ADGRB3: variants seen among roughly 807,000 people sequenced by gnomAD.
ADGRB3 encodes brain-specific angiogenesis inhibitor 3.
ADGRB3 carries 37 observed loss-of-function variants against 193.4 expected under a neutral mutation model. The observed-to-expected ratio is 0.19, with a 90% CI of 0.15 to 0.25. The LOEUF is 0.25. Ranked by LOEUF, ADGRB3 falls within the 10% of genes least tolerant of loss-of-function variation. ADGRB3 has a pLI of 1.00. For missense variants in ADGRB3, 1,637 were observed against 1,852.9 expected (o/e 0.88, Z 2.14); for synonymous variants, 690 against 644.2 (o/e 1.07, Z -1.08).
At chr6:69,190,863 T>A (rs1765171417) in intron 17 of ADGRB3, among the ~76,000 whole-genome samples, 1 of 152,160 alleles carries the variant, frequency 6.6e-6, no homozygotes, top group Non-Finnish European at 1.5e-5. Flanking sequence ...ATTGCCTACA[T>A]CAGTCAGTAC....
At chr6:69,039,923 A>G (rs963272744) in intron 13 of ADGRB3, among the ~76,000 whole-genome samples, 2 of 151,644 alleles carry the variant, frequency 1.3e-5, no homozygotes, top group Admixed American at 1.3e-4. Flanking sequence ...TGTATTTTTA[A>G]TAAAGATGGG....
intron 3 of ADGRB3, among the ~76,000 whole-genome samples, chr6:68,640,795 G>A (rs1369404299): frequency 1.3e-5 from 2 of 152,216 alleles, no homozygotes; most frequent in Non-Finnish European, 2.9e-5. Context: ...CAATTTAAGG[G>A]ATGGGAATTA....
At chr6:68,666,808 A>T (rs1768813161) in intron 3 of ADGRB3, among the ~76,000 whole-genome samples, 1 of 151,812 alleles carries the variant, frequency 6.6e-6, no homozygotes, top group Admixed American at 6.6e-5. Context: ...TAAAAAAAGA[A>T]ATGATAAATG....
intron 10 of ADGRB3, among the ~76,000 whole-genome samples, chr6:68,980,123 A>G (rs1012383342): frequency 1.3e-5 from 2 of 151,608 alleles, no homozygotes; most frequent in Admixed American, 1.3e-4. Context: ...GGAAATATGA[A>G]GAGTTAGGTA....
intron 7 of ADGRB3, 92 bp from the exon 8 acceptor site, chr6:68,956,553 A>G (rs2150256766): frequency 6.7e-7 from 1 of 1,483,058 alleles, no homozygotes; most frequent in Non-Finnish European, 9.3e-7. Context: ...AGATTAACAA[A>G]AATGGAAGGG....
chr6:69,162,066 G>A (rs540176415), intron 17 of ADGRB3, among the ~76,000 whole-genome samples: 2 of 152,170 alleles, frequency 1.3e-5, no homozygotes, highest in South Asian at 4.1e-4. Context: ...TGAATACCAG[G>A]AATCAGGAAC....
chr6:68,876,092 AAT>A (rs1192153756), intron 3 of ADGRB3, among the ~76,000 whole-genome samples: 1 of 152,152 alleles, frequency 6.6e-6, no homozygotes, highest in Non-Finnish European at 1.5e-5. Context: ...AAATAATTTA[AAT>A]ACTTATTCAA....
chr6:69,105,451 T>G (rs1467607802), intron 17 of ADGRB3, among the ~76,000 whole-genome samples: 1 of 152,152 alleles, frequency 6.6e-6, no homozygotes, highest in African/African-American at 2.4e-5. Context: ...ATTTCCCTAT[T>G]TCCTGCCCTC....
At chr6:68,798,647 C>G (rs181846846) in intron 3 of ADGRB3, among the ~76,000 whole-genome samples, 7 of 152,078 alleles carry the variant, frequency 4.6e-5, no homozygotes, top group African/African-American at 1.7e-4. Flanking sequence ...CAAAACTGCA[C>G]GTTCTGCACG....
chr6:68,686,245 A>G (rs1198863416), intron 3 of ADGRB3, among the ~76,000 whole-genome samples: 1 of 152,194 alleles, frequency 6.6e-6, no homozygotes, highest in Non-Finnish European at 1.5e-5. Flanking sequence ...TTTTTCTGCT[A>G]AACCTTTGGC....
chr6:68,818,410 T>C (rs553041360), intron 3 of ADGRB3, among the ~76,000 whole-genome samples: 1 of 152,198 alleles, frequency 6.6e-6, no homozygotes, highest in South Asian at 2.1e-4. Flanking sequence ...TCTGCTTTCC[T>C]TCCTTTCCCC....
chr6:68,697,181 AT>A (rs1765172522), intron 3 of ADGRB3, among the ~76,000 whole-genome samples: 1 of 152,036 alleles, frequency 6.6e-6, no homozygotes, highest in African/African-American at 2.4e-5. Context: ...TTGGAAGGGC[AT>A]TATTTTTGCA....
At chr6:68,649,789 T>A (rs905438989) in intron 3 of ADGRB3, among the ~76,000 whole-genome samples, 7 of 152,156 alleles carry the variant, frequency 4.6e-5, no homozygotes, top group African/African-American at 1.7e-4. Flanking sequence ...GGGTGTCTCT[T>A]TTTCTGGGCT....
intron 13 of ADGRB3, among the ~76,000 whole-genome samples, chr6:69,040,489 G>A (rs538853672): frequency 5.3e-5 from 8 of 151,010 alleles, no homozygotes; most frequent in African/African-American, 1.9e-4. Flanking sequence ...ACAAGAGTTG[G>A]GTATATGGCT....
intron 8 of ADGRB3, among the ~76,000 whole-genome samples, chr6:68,970,200 A>G (rs1768518344): frequency 6.6e-6 from 1 of 152,134 alleles, no homozygotes; most frequent in Non-Finnish European, 1.5e-5. Flanking sequence ...AGTGCTCATC[A>G]TAATTGTACT....
chr6:68,796,941 T>TA (rs1324886635), intron 3 of ADGRB3, among the ~76,000 whole-genome samples: 1 of 152,136 alleles, frequency 6.6e-6, no homozygotes, highest in Admixed American at 6.6e-5. Flanking sequence ...CTGGTAAAGC[T>TA]ATTTGAAAAT....
chr6:69,332,079 G>A, intron 23 of ADGRB3: 1 of 985,322 alleles, frequency 1.0e-6, no homozygotes, highest in Non-Finnish European at 1.2e-6. Context: ...GCAAAAAGAA[G>A]AACATATTTT....
At chr6:69,235,756 C>A (rs187782878) in intron 19 of ADGRB3, among the ~76,000 whole-genome samples, 76 of 151,954 alleles carry the variant, frequency 5.0e-4, no homozygotes, top group African/African-American at 1.8e-3. Context: ...TAGTTGAAAT[C>A]ACATCTACTG....
chr6:68,909,912 T>C (rs1334011061), intron 3 of ADGRB3, among the ~76,000 whole-genome samples: 8 of 152,226 alleles, frequency 5.3e-5, no homozygotes, highest in Non-Finnish European at 1.2e-4. Flanking sequence ...ATCCTTTGGG[T>C]ATATACCCAG....
Sources: allele counts gnomAD v4.1 joint callset (sites outside exome capture counted in the v4.1 genomes callset), GRCh38; gene constraint gnomAD v4.1.1; transcripts MANE v1.5; gene names NCBI Gene and HGNC (gene_info 2026-07-23, HGNC 2026-07-21).